MDM2: variants seen among roughly 807,000 people sequenced by gnomAD.
MDM2 encodes E3 ubiquitin-protein ligase Mdm2.
MDM2 carries 11 observed loss-of-function variants against 64.3 expected under a neutral mutation model. The observed-to-expected ratio is 0.17, with a 90% confidence interval of 0.11 to 0.28. The LOEUF (loss-of-function observed/expected upper bound fraction) is 0.28, where lower values mean the gene tolerates loss of function less well. Ranked by LOEUF, MDM2 falls within the 10% of genes least tolerant of loss-of-function variation. The pLI is 1.00. For missense variants in MDM2, 388 were observed against 577.1 expected (o/e 0.67, Z 3.36); for synonymous variants, 194 against 192.9 (o/e 1.01, Z -0.05).
intron 3 of MDM2, among the ~76,000 whole-genome samples, chr12:68,816,007 T>C (rs925526409): frequency 6.6e-6 from 1 of 152,208 alleles, no homozygotes; most frequent in African/African-American, 2.4e-5. Flanking sequence ...CTTAGAGGGT[T>C]TATTTCATTC....
At chr12:68,835,404 C>CT (rs1426612295) in intron 8 of MDM2, among the ~76,000 whole-genome samples, 1 of 152,154 alleles carries the variant, frequency 6.6e-6, no homozygotes, top group Non-Finnish European at 1.5e-5. Flanking sequence ...CAATCTAGAT[C>CT]TGGCGGGATT....
downstream of MDM2, chr12:68,846,127 G>T (rs1164515921): frequency 2.6e-5 from 4 of 151,826 alleles, no homozygotes; most frequent in East Asian, 5.8e-4. Flanking sequence ...AATTTTTTTT[G>T]TATTTTTAGT....
Position 68,827,346 on chromosome 12 carries a change from A to G in MDM2, c.524-1425A>G, listed in dbSNP as rs539556569. Among the ~76,000 whole-genome samples the G allele has an allele frequency of 2.0e-5, 3 of 152,012 alleles. No homozygotes were observed. The East Asian group carries it at 5.8e-4, about 29-fold the overall frequency. ...TCAAGTACATGACTCAAGATTTTTC[A>G]TATGTTTATTAGTCATTTGTATTTC... On this transcript the variant is annotated intron_variant, in intron 7 of 10. Transcript: ENST00000258149.
chr12:68,816,572 T>C (rs1472250326), intron 3 of MDM2, among the ~76,000 whole-genome samples: 1 of 151,844 alleles, frequency 6.6e-6, no homozygotes, highest in Non-Finnish European at 1.5e-5. Context: ...GGGACCAGGA[T>C]GGTCTTTATC....
At chr12:68,832,601 T>C (rs1440891287) in intron 8 of MDM2, among the ~76,000 whole-genome samples, 1 of 151,936 alleles carries the variant, frequency 6.6e-6, no homozygotes, top group Non-Finnish European at 1.5e-5. Context: ...AACCTCAACC[T>C]CCTGGGTTCA....
In MDM2 at chr12:68,840,107, T is replaced by C. The variant is rs1883637084; in HGVS notation, c.*258T>C. 6.4e-6 allele frequency: 2 copies of C among 313,446 alleles called. No individual in the cohort carries two copies. Among genetic ancestry groups the C allele is most frequent in the Non-Finnish European group, 1.2e-5 (2 of 173,258 alleles). The allele number at this position is 313,446 out of a possible 1,614,324, so 19.4% of individuals were successfully genotyped here. ...TCTGTCTTAAATGAGAAGTACTTGG[T>C]TTTTTTTTTTCTTAAATATGTATAT... On this transcript the variant is annotated 3_prime_UTR_variant, in exon 11 of 11. Transcript: ENST00000258149.
At chr12:68,827,409 A>T (rs1882432208) in intron 7 of MDM2, among the ~76,000 whole-genome samples, 1 of 152,212 alleles carries the variant, frequency 6.6e-6, no homozygotes, top group African/African-American at 2.4e-5. Context: ...TTAAAAGAAA[A>T]TACAGTCTAT....
intron 8 of MDM2, among the ~76,000 whole-genome samples, chr12:68,830,083 T>C (rs770591621): frequency 2.0e-5 from 3 of 152,216 alleles, no homozygotes; most frequent in Non-Finnish European, 1.5e-5. Flanking sequence ...CAATTTTTTT[T>C]CTGCTCATCA....
intron 8 of MDM2, 145 bp from the exon 9 acceptor site, chr12:68,835,684 G>A (rs759123173): frequency 1.9e-5 from 13 of 699,086 alleles, no homozygotes; most frequent in East Asian, 6.0e-5. Context: ...GATCTCCCTC[G>A]GGAAGTCCCG....
chr12:68,830,378 C>A (rs116514865), intron 8 of MDM2, among the ~76,000 whole-genome samples: 213 of 152,202 alleles, frequency 1.4e-3, no homozygotes, highest in African/African-American at 4.8e-3. Flanking sequence ...GTTACTGTAC[C>A]TAACGGAGCT....
chr12:68,813,173 A>G (rs1218626833), intron 2 of MDM2, among the ~76,000 whole-genome samples: 3 of 152,158 alleles, frequency 2.0e-5, no homozygotes, highest in Admixed American at 6.5e-5. Context: ...CAGGAACCTA[A>G]TCTTTAGAAA....
intron 7 of MDM2, 99 bp from the exon 8 acceptor site, chr12:68,828,672 A>C: frequency 9.9e-7 from 1 of 1,005,594 alleles, no homozygotes; most frequent in Admixed American, 2.5e-5. Context: ...TTTTGAACTA[A>C]TTTTATTGAA....
At chr12:68,824,136 C>G in intron 5 of MDM2, 1 of 492,168 alleles carries the variant, frequency 2.0e-6, no homozygotes, top group Non-Finnish European at 3.6e-6. Flanking sequence ...ATCTAACAGT[C>G]TTTTAATGTC....
chr12:68,832,679 ATTTTTTTTACTTT>A (rs1306019387), intron 8 of MDM2, among the ~76,000 whole-genome samples: 1 of 136,318 alleles, frequency 7.3e-6, no homozygotes, highest in African/African-American at 2.6e-5. Context: ...CACCTGGCTA[ATTTTTTTTACTTT>A]TTTTTTTTCA....
rs1316174242 is a variant in MDM2, at chr12:68,841,326, G to C, written c.*1477G>C. The C allele has an allele frequency of 4.8e-6, 1 of 207,044 alleles. No individual in the cohort carries two copies. Among genetic ancestry groups the C allele is most frequent in the East Asian group, 7.3e-5 (1 of 13,632 alleles). 12.8% of individuals were successfully genotyped at this position (207,044 alleles called of 1,614,324 possible). A position where few individuals can be genotyped will look rare whatever the true frequency, so the allele number is the denominator to read the frequency against. On this transcript the variant is annotated 3_prime_UTR_variant, in exon 11 of 11. Transcript: ENST00000258149. ...TGCCCAGGCTGGTCTCGAACTCCTG[G>C]GCTCAAGAGATCCTCCTGTCTTGGC...
At chr12:68,819,528 G>C (rs1881673707) in intron 4 of MDM2, among the ~76,000 whole-genome samples, 1 of 152,082 alleles carries the variant, frequency 6.6e-6, no homozygotes, top group Admixed American at 6.6e-5. Flanking sequence ...TTTTGCTCTT[G>C]TTGCCCAGGC....
At chr12:68,809,345 A>G (rs1346238992) in intron 2 of MDM2, 53 bp downstream of exon 2, 3 of 1,515,838 alleles carry the variant, frequency 2.0e-6, no homozygotes, top group East Asian at 4.5e-5. Context: ...TTATGAAGTG[A>G]TAAACTAAAT....
rs1883640356 is a variant in MDM2 at position 68,840,136 on chromosome 12, A to T, written c.*287A>T. The T allele has an allele frequency of 3.0e-6, 1 of 331,306 alleles. No homozygotes were observed. 20.5% of individuals were successfully genotyped at this position (331,306 alleles called of 1,614,324 possible). A position where few individuals can be genotyped will look rare whatever the true frequency, so the allele number is the denominator to read the frequency against. ...TTTTTTTCTTAAATATGTATATGAC[A>T]TTTAAATGTAACTTATTATTTTTTT... On this transcript the variant is annotated 3_prime_UTR_variant, in exon 11 of 11. Coordinates refer to ENST00000258149, the MANE Select transcript of MDM2 (RefSeq NM_002392.6).
Position 68,840,087 on chromosome 12 carries a change from C to A in MDM2, c.*238C>A. The A allele has an allele frequency of 2.3e-6, 1 of 443,306 alleles. No homozygotes were observed. Among genetic ancestry groups the A allele is most frequent in the East Asian group, 3.7e-5 (1 of 27,172 alleles). The allele number at this position is 443,306 out of a possible 1,614,324, so 27.5% of individuals were successfully genotyped here. On this transcript the variant is annotated 3_prime_UTR_variant, in exon 11 of 11. Coordinates refer to ENST00000258149, the MANE Select transcript of MDM2 (RefSeq NM_002392.6). ...TAATTTTAAATAATTTCTACTCTGTCTTAAATGAGAAGTACTTGGTTTTTT... is the reference window on the plus strand; with the variant it reads ...TAATTTTAAATAATTTCTACTCTGTATTAAATGAGAAGTACTTGGTTTTTT...
Sources: gnomAD v4.1 joint callset for allele counts (sites outside exome capture counted in the v4.1 genomes callset) on GRCh38, gnomAD v4.1.1 for gene constraint, MANE v1.5 for transcripts, NCBI Gene and HGNC (gene_info 2026-07-23, HGNC 2026-07-21) for gene names.